Variants in FOXK1 observed in about 807,000 individuals in gnomAD.
FOXK1 encodes the protein forkhead box protein K1.
A neutral mutation model predicts 51.9 loss-of-function variants in FOXK1; 19 were observed. The observed-to-expected ratio is 0.37, with a 90% confidence interval of 0.26 to 0.54. The LOEUF is 0.54. Ranked by LOEUF, FOXK1 falls within the 20% of genes least tolerant of loss-of-function variation. The pLI, the probability that FOXK1 is intolerant of heterozygous loss-of-function variation, is 0.87. For synonymous variants in FOXK1, 537 were observed against 482.6 expected (o/e 1.11, Z -1.48); for missense variants, 870 against 1,032.7 (o/e 0.84, Z 2.16).
At position 4,762,155 on chromosome 7, in the gene FOXK1, A is replaced by G. The variant is rs994260019; in HGVS notation, c.1922-29A>G. ...AGCAGCTGGGTCCTAACCAGACCCCAGAGTAACCCTCTTCTTCCTCCACTC... is the reference window on the plus strand; with the variant it reads ...AGCAGCTGGGTCCTAACCAGACCCCGGAGTAACCCTCTTCTTCCTCCACTC... On this transcript the variant is annotated intron_variant, in intron 8 of 8. Transcript: ENST00000328914. The surrounding 1 kb of genome is among the most constrained non-coding windows in gnomAD (Gnocchi z 5.7). 4 of 1,534,254 alleles carry G rather than the reference A, an allele frequency of 2.6e-6. No homozygotes were observed. The African/African-American group carries it at 5.5e-5, about 21-fold the overall frequency.
intron 1 of FOXK1, among the ~76,000 whole-genome samples, chr7:4,712,605 G>A (rs1360764632): frequency 6.6e-6 from 1 of 152,156 alleles, no homozygotes; most frequent in African/African-American, 2.4e-5. Flanking sequence ...TGAATTCTGG[G>A]TGTATTATTG....
At chr7:4,691,543 C>T (rs2115029817) in intron 1 of FOXK1, among the ~76,000 whole-genome samples, 1 of 152,218 alleles carries the variant, frequency 6.6e-6, no homozygotes, top group East Asian at 1.9e-4. Context: ...ACTGTGTCGG[C>T]CAGGCTGGTC....
chr7:4,752,966 A>G (rs1780798423), intron 2 of FOXK1, among the ~76,000 whole-genome samples: 1 of 152,222 alleles, frequency 6.6e-6, no homozygotes, highest in Non-Finnish European at 1.5e-5. Flanking sequence ...TGGATTCAGA[A>G]CTAAATTCAG....
Position 4,759,137 on chromosome 7 carries a change from G to A in FOXK1, c.1331G>A (p.Gly444Asp). The A allele has an allele frequency of 1.2e-6, 2 of 1,612,392 alleles. No individual in the cohort carries two copies. Among genetic ancestry groups the A allele is most frequent in the Non-Finnish European group, 1.7e-6 (2 of 1,179,896 alleles). Residue 444 changes from glycine to aspartate, a missense_variant, in exon 6 of 9, where the codon GGC becomes GAC. Gly to Asp is a moderately conservative substitution (Grantham distance 94, BLOSUM62 -1). Transcript: ENST00000328914. ...ACCCCAGAGTGCCTGTCTCGGGAGG[G>A]CTCCCCCATTCCACACGACCCTGAG... ...LQTPECLSRE[G>D]SPIPHDPEFG... is the part of the protein sequence containing the mutation.
intron 1 of FOXK1, among the ~76,000 whole-genome samples, chr7:4,720,293 G>A (rs1239856923): frequency 6.7e-6 from 1 of 148,686 alleles, no homozygotes; most frequent in South Asian, 2.1e-4. Context: ...TGCCTCATCT[G>A]CTTTCTGTTC....
chr7:4,759,611 C>G lies in FOXK1; in HGVS notation c.1696+16C>G, dbSNP rs1433833066. The G allele has an allele frequency of 1.3e-6, 2 of 1,530,042 alleles. No homozygotes were observed. The highest frequency in any genetic ancestry group is 8.7e-7 in the Non-Finnish European group (1 of 1,143,038). The allele number at this position is 1,530,042 out of a possible 1,614,324, so 94.8% of individuals were successfully genotyped here. On this transcript the variant is annotated intron_variant, in intron 7 of 8. Transcript: ENST00000328914. ...GAGGCCAGAGGTAATGCAGCCGCGGCTGGCAGCCTTCGCAGGACCCTTTGT... is the reference window on the plus strand; with the variant it reads ...GAGGCCAGAGGTAATGCAGCCGCGGGTGGCAGCCTTCGCAGGACCCTTTGT...
At chr7:4,705,959 TGTATATATATATACGTATATATAC>T (rs1562372915) in intron 1 of FOXK1, among the ~76,000 whole-genome samples, 2 of 125,288 alleles carry the variant, frequency 1.6e-5, no homozygotes, top group African/African-American at 8.2e-5. Flanking sequence ...TATATATATA[TGTATATATATATACGTATATATAC>T]GTATATATAC....
At chr7:4,721,113 C>T (rs1041979836) in intron 1 of FOXK1, among the ~76,000 whole-genome samples, 7 of 152,190 alleles carry the variant, frequency 4.6e-5, no homozygotes, top group African/African-American at 1.4e-4. Flanking sequence ...GTCACTGTTG[C>T]CGTAAGTGCT....
At chr7:4,741,551 G>A (rs752765904) in intron 2 of FOXK1, among the ~76,000 whole-genome samples, 3 of 152,182 alleles carry the variant, frequency 2.0e-5, no homozygotes, top group Admixed American at 6.5e-5. Flanking sequence ...TGCTGGTCTC[G>A]AACTCCCAAC....
Position 4,749,393 on chromosome 7 carries a change from C to T in FOXK1, c.747-5066C>T, listed in dbSNP as rs984804387. Among the ~76,000 whole-genome samples, 1 of 152,214 alleles carries T rather than the reference C, an allele frequency of 6.6e-6. No individual in the cohort carries two copies. The highest frequency in any genetic ancestry group is 2.1e-4 in the South Asian group (1 of 4,834). ...GTGTTTAACAGTGAGGTCCTAAAAA[C>T]CCTCTTAGAGCGGCTGGTATTGGAG... On this transcript the variant is annotated intron_variant, in intron 2 of 8. Transcript: ENST00000328914. This position sits in a 1 kb window ranked among gnomAD's most constrained non-coding sequence, Gnocchi z 6.0.
Position 4,766,965 on chromosome 7 carries a change from CAA to C in FOXK1, c.*4503_*4504del, listed in dbSNP as rs1781020216. 1 of 152,136 alleles carries C rather than the reference CAA, an allele frequency of 6.6e-6. No individual in the cohort carries two copies. The highest frequency in any genetic ancestry group is 2.4e-5 in the African/African-American group (1 of 41,404). 9.4% of individuals were successfully genotyped at this position (152,136 alleles called of 1,614,324 possible). A position where few individuals can be genotyped will look rare whatever the true frequency, so the allele number is the denominator to read the frequency against. Reference sequence around the variant, plus strand: ...TTTGAAATCAGTGTTTTTATGGAGACAAAGAACAGACCTCAGTGGGAAAAATG... The same window carrying C: ...TTTGAAATCAGTGTTTTTATGGAGACAGAACAGACCTCAGTGGGAAAAATG... On this transcript the variant is annotated 3_prime_UTR_variant, in exon 9 of 9. Coordinates refer to ENST00000328914, the MANE Select transcript of FOXK1 (RefSeq NM_001037165.2). The surrounding 1 kb of genome is among the most constrained non-coding windows in gnomAD (Gnocchi z 5.5).
rs1780039961 is a variant in FOXK1, at chr7:4,703,061, C to A, written c.560+20193C>A. 6.6e-6 allele frequency among the ~76,000 whole-genome samples: 1 copy of A among 150,872 alleles called. No homozygotes were observed. Among genetic ancestry groups the A allele is most frequent in the Admixed American group, 6.6e-5 (1 of 15,260 alleles). ...TGCCAGGTCCGGTTGGGGACCGAGACCCCTGGTTGCTTGCACTGCTGGGTG... is the reference window on the plus strand; with the variant it reads ...TGCCAGGTCCGGTTGGGGACCGAGAACCCTGGTTGCTTGCACTGCTGGGTG... On this transcript the variant is annotated intron_variant, in intron 1 of 8. Coordinates refer to ENST00000328914, the MANE Select transcript of FOXK1 (RefSeq NM_001037165.2). This position sits in a 1 kb window ranked among gnomAD's most constrained non-coding sequence, Gnocchi z 5.6.
Position 4,755,496 on chromosome 7 carries a change from G to C in FOXK1, c.1050+113G>C, listed in dbSNP as rs1439918228. ...AGGGCCAGTGAGGGGGCTCACGCCT[G>C]GAACCCTAGCATTTTGTGAGGCCGA... is the stretch of plus-strand genomic sequence containing the variant. On this transcript the variant is annotated intron_variant, in intron 4 of 8. Transcript: ENST00000328914. The surrounding 1 kb of genome is among the most constrained non-coding windows in gnomAD (Gnocchi z 6.6). The C allele has an allele frequency of 2.1e-6, 3 of 1,414,670 alleles. No homozygotes were observed. In the African/African-American group the frequency reaches 4.3e-5, roughly 20 times the overall value. The allele number at this position is 1,414,670 out of a possible 1,614,324, so 87.6% of individuals were successfully genotyped here.
rs1256587306 is a variant in FOXK1, at chr7:4,748,036, A to G, written c.747-6423A>G. On this transcript the variant is annotated intron_variant, in intron 2 of 8. Transcript: ENST00000328914. The surrounding 1 kb of genome is among the most constrained non-coding windows in gnomAD (Gnocchi z 4.9). Reference sequence around the variant, plus strand: ...CCCAGCATTTTACAATGTCGGATTTATCTTAAAGGAACACATTCTTTAAGA... The same window carrying G: ...CCCAGCATTTTACAATGTCGGATTTGTCTTAAAGGAACACATTCTTTAAGA... Among the ~76,000 whole-genome samples the G allele has an allele frequency of 6.6e-6, 1 of 152,224 alleles. No homozygotes were observed. The highest frequency in any genetic ancestry group is 2.4e-5 in the African/African-American group (1 of 41,456).
intron 1 of FOXK1, among the ~76,000 whole-genome samples, chr7:4,691,191 T>G (rs1779886882): frequency 6.6e-6 from 1 of 152,204 alleles, no homozygotes; most frequent in Non-Finnish European, 1.5e-5. Context: ...TCTACAGTGT[T>G]GATGATGTAT....
At chr7:4,684,214 C>T (rs1215303052) in intron 1 of FOXK1, among the ~76,000 whole-genome samples, 1 of 152,174 alleles carries the variant, frequency 6.6e-6, no homozygotes, top group Non-Finnish European at 1.5e-5. Flanking sequence ...TTAGTGATTG[C>T]CTCTAACTCA....
At position 4,734,079 on chromosome 7, in the gene FOXK1, C is replaced by T. The variant is rs1273869843; in HGVS notation, c.561-6759C>T. Among the ~76,000 whole-genome samples the T allele has an allele frequency of 6.6e-6, 1 of 152,194 alleles. No individual in the cohort carries two copies. Among genetic ancestry groups the T allele is most frequent in the Non-Finnish European group, 1.5e-5 (1 of 68,040 alleles). ...CACCCATGTCCTCAACCCCTAACCA[C>T]TGAAGCGATGCCTGTGTTTTAACCT... On this transcript the variant is annotated intron_variant, in intron 1 of 8. Transcript: ENST00000328914. The surrounding 1 kb of genome is among the most constrained non-coding windows in gnomAD (Gnocchi z 5.2).
chr7:4,741,550 C>G (rs978978480), intron 2 of FOXK1, among the ~76,000 whole-genome samples: 13 of 152,132 alleles, frequency 8.5e-5, no homozygotes, highest in Admixed American at 7.9e-4. Flanking sequence ...ATGCTGGTCT[C>G]GAACTCCCAA....
At chr7:4,717,231 C>T (rs528681343) in intron 1 of FOXK1, among the ~76,000 whole-genome samples, 5 of 72,854 alleles carry the variant, frequency 6.9e-5, no homozygotes, top group Admixed American at 4.6e-4. Flanking sequence ...AAGGTGGTGG[C>T]GAGAGGCATG....
Sources: gnomAD v4.1 joint callset for allele counts (sites outside exome capture counted in the v4.1 genomes callset) on GRCh38, gnomAD v4.1.1 for gene constraint, Gnocchi (gnomAD v3.1) non-coding constraint, MANE v1.5 for transcripts, NCBI Gene and HGNC (gene_info 2026-07-23, HGNC 2026-07-21) for gene names.